SNTG2: variants seen among roughly 807,000 people sequenced by gnomAD.
SNTG2 encodes the protein syntrophin gamma 2, also known as gamma-2-syntrophin.
A neutral mutation model predicts 70.9 loss-of-function variants in SNTG2; 74 were observed. That is an observed-to-expected ratio of 1.04 (90% CI 0.86 to 1.27). The LOEUF (loss-of-function observed/expected upper bound fraction) is 1.27. Ranked by LOEUF, SNTG2 falls within the 50% of genes most tolerant of loss-of-function variation. The pLI, the probability that SNTG2 is intolerant of heterozygous loss-of-function variation, is 0.00. For missense variants in SNTG2, 717 were observed against 690.7 expected, an observed-to-expected ratio of 1.04 and a Z score of -0.43; for synonymous variants, 278 against 273.8, an observed-to-expected ratio of 1.02 and a Z score of -0.15.
At chr2:954,179 C>T (rs901262239) in intron 1 of SNTG2, among the ~76,000 whole-genome samples, 3 of 152,092 alleles carry the variant, frequency 2.0e-5, no homozygotes, top group South Asian at 2.1e-4. Flanking sequence ...GGGCATGGGG[C>T]GGACACAGGC....
chr2:1,323,365 C>G (rs1237496335), intron 16 of SNTG2, among the ~76,000 whole-genome samples: 1 of 152,222 alleles, frequency 6.6e-6, no homozygotes, highest in African/African-American at 2.4e-5. Context: ...CTCTGAAGGA[C>G]ACATGGCTGA....
At chr2:1,083,910 G>A (rs528942167) in intron 2 of SNTG2, among the ~76,000 whole-genome samples, 13 of 152,034 alleles carry the variant, frequency 8.6e-5, no homozygotes, top group South Asian at 4.2e-4. Flanking sequence ...CAATCCTGGC[G>A]TGTGCCTGTA....
intron 1 of SNTG2, among the ~76,000 whole-genome samples, chr2:1,067,682 G>A (rs568304512): frequency 6.6e-6 from 1 of 152,122 alleles, no homozygotes; most frequent in East Asian, 1.9e-4. Flanking sequence ...TCTCAGTATC[G>A]AACTCAAAGA....
At chr2:1,361,808 C>T (rs1403872277) in intron 16 of SNTG2, among the ~76,000 whole-genome samples, 1 of 150,500 alleles carries the variant, frequency 6.6e-6, no homozygotes, top group Non-Finnish European at 1.5e-5. Context: ...CGATGCTGAG[C>T]ATTTCAGTAG....
At chr2:1,263,260 T>G (rs1678542374) in intron 13 of SNTG2, among the ~76,000 whole-genome samples, 1 of 152,188 alleles carries the variant, frequency 6.6e-6, no homozygotes, top group South Asian at 2.1e-4. Flanking sequence ...TCTTACAACA[T>G]ATTTTAAGTA....
At position 1,262,658 on chromosome 2, in the gene SNTG2, G is replaced by A. The variant is rs769232634; in HGVS notation, c.1077+3217G>A. ...AAGGCTCAGTCCAGACGTAGTAACC[G>A]GAAGGCTCAGTCCAGACGAGGCAAC... On this transcript the variant is annotated intron_variant, in intron 13 of 16. Transcript: ENST00000308624. Among the ~76,000 whole-genome samples, 97 of 116,336 alleles carry A rather than the reference G, an allele frequency of 8.3e-4. 3 individuals are homozygous for A. The Middle Eastern group carries it at 0.063, about 76-fold the overall frequency. 76.3% of individuals were successfully genotyped at this position (116,336 alleles called of 152,430 possible).
intron 1 of SNTG2, among the ~76,000 whole-genome samples, chr2:1,031,839 G>T (rs1450668164): frequency 6.6e-6 from 1 of 151,988 alleles, no homozygotes; most frequent in Non-Finnish European, 1.5e-5. Context: ...ATCATGCATA[G>T]GTCAATCCAC....
At chr2:1,090,789 C>T (rs1343318376) in intron 2 of SNTG2, among the ~76,000 whole-genome samples, 2 of 152,140 alleles carry the variant, frequency 1.3e-5, no homozygotes, top group East Asian at 1.9e-4. Flanking sequence ...AGGCGTTTTT[C>T]CCTCACCAGT....
intron 1 of SNTG2, among the ~76,000 whole-genome samples, chr2:1,017,138 G>T (rs924675128): frequency 6.6e-5 from 10 of 152,112 alleles, no homozygotes; most frequent in African/African-American, 1.7e-4. Flanking sequence ...CCTTTGCCTG[G>T]CATGGCTTTA....
chr2:1,197,973 T>G (rs551899855), intron 8 of SNTG2, among the ~76,000 whole-genome samples: 2 of 152,264 alleles, frequency 1.3e-5, no homozygotes, highest in Non-Finnish European at 2.9e-5. Context: ...AGGGAAGCAT[T>G]GGATTTAACT....
At position 1,087,440 on chromosome 2, in the gene SNTG2, G is replaced by A. The variant is rs778392777; in HGVS notation, c.210+3785G>A. On this transcript the variant is annotated intron_variant, in intron 2 of 16. Transcript: ENST00000308624. ...CCTGACCTAACCTCTTACTGTTCCC[G>A]GGTAAATGCAGGTTAGGCCACTGGC... 7.2e-5 allele frequency among the ~76,000 whole-genome samples: 11 copies of A among 152,216 alleles called. No individual in the cohort carries two copies. The East Asian group carries it at 9.7e-4, about 13-fold the overall frequency.
At chr2:1,007,265 A>G (rs759766168) in intron 1 of SNTG2, among the ~76,000 whole-genome samples, 1 of 152,056 alleles carries the variant, frequency 6.6e-6, no homozygotes, top group African/African-American at 2.4e-5. Context: ...CCTGAGTTCT[A>G]TGTTTTGGCC....
chr2:1,156,568 G>A (rs1275615207), intron 6 of SNTG2, among the ~76,000 whole-genome samples: 4 of 152,162 alleles, frequency 2.6e-5, no homozygotes, highest in African/African-American at 9.7e-5. Context: ...AGCACTTAAC[G>A]TTTTTCTCCA....
At chr2:1,235,744 C>A (rs35784786) in intron 9 of SNTG2, among the ~76,000 whole-genome samples, 2 of 151,902 alleles carry the variant, frequency 1.3e-5, no homozygotes, top group Non-Finnish European at 1.5e-5. Context: ...TGGCACCACC[C>A]CCTGTTCCTC....
intron 1 of SNTG2, among the ~76,000 whole-genome samples, chr2:1,007,349 C>G (rs1284476316): frequency 2.0e-5 from 3 of 152,150 alleles, no homozygotes; most frequent in African/African-American, 7.2e-5. Context: ...GTGGAGACAC[C>G]TGGGTGTTGC....
chr2:1,365,621 T>G (rs902558716), intron 16 of SNTG2, among the ~76,000 whole-genome samples: 5 of 152,128 alleles, frequency 3.3e-5, no homozygotes, highest in African/African-American at 1.2e-4. Context: ...TAGAACAAGC[T>G]TCAGGTATTC....
At chr2:1,090,385 T>C (rs1036114469) in intron 2 of SNTG2, among the ~76,000 whole-genome samples, 4 of 152,328 alleles carry the variant, frequency 2.6e-5, no homozygotes, top group South Asian at 4.1e-4. Flanking sequence ...TGGTGAGTTC[T>C]TGTTACCAGC....
At chr2:1,264,561 C>A (rs567686145) in intron 13 of SNTG2, among the ~76,000 whole-genome samples, 6 of 152,202 alleles carry the variant, frequency 3.9e-5, no homozygotes, top group Non-Finnish European at 5.9e-5. Context: ...TGCTGTGCAC[C>A]ACAGATTGAG....
chr2:1,176,268 G>A (rs897319737), intron 8 of SNTG2, among the ~76,000 whole-genome samples: 2 of 152,086 alleles, frequency 1.3e-5, no homozygotes, highest in African/African-American at 4.8e-5. Context: ...CGTTTTAGAA[G>A]GCTATCAAGA....
Sources: gnomAD v4.1 joint callset for allele counts (sites outside exome capture counted in the v4.1 genomes callset) on GRCh38, gnomAD v4.1.1 for gene constraint, MANE v1.5 for transcripts, NCBI Gene and HGNC (gene_info 2026-07-23, HGNC 2026-07-21) for gene names.